The following MUTYH variants were observed in gnomAD, a reference collection of about 807,000 sequenced individuals.
The protein encoded by MUTYH is adenine DNA glycosylase.
A neutral mutation model predicts 72.9 loss-of-function variants in MUTYH; 64 were observed. The ratio of observed to expected loss-of-function variants is 0.88; its 90% CI spans 0.72 to 1.08. MUTYH has a LOEUF of 1.08. MUTYH is among the 50% of genes least tolerant of loss of function. The probability of loss-of-function intolerance (pLI) is 0.00; values close to 1 mark genes in which losing one functional copy is unlikely to be tolerated. For missense variants in MUTYH, 633 were observed against 671.0 expected (o/e 0.94, Z 0.63); for synonymous variants, 234 against 263.1 (o/e 0.89, Z 1.07).
In MUTYH at chr1:45,332,412, G is replaced by A. The variant is rs766173546; in HGVS notation, c.683C>T (p.Thr228Ile). The A allele has an allele frequency of 5.0e-6, 8 of 1,614,042 alleles. No individual in the cohort carries two copies. In the East Asian group the frequency reaches 1.6e-4, roughly 31 times the overall value. Residue 228 changes from threonine to isoleucine, a missense_variant, in exon 9 of 16, where the codon ACC becomes ATC. By Grantham distance (89) the Thr-to-Ile change is moderately conservative. Coordinates refer to ENST00000456914, the MANE Select transcript of MUTYH (RefSeq NM_001048174.2). ...CTACCAGAGCTGCTGGGAAACAAGG[G>A]TGCTGCTGGGATCAGCACCAATGGC... is the stretch of plus-strand genomic sequence containing the variant. ...VRAIGADPSS[T>I]LVSQQLWGLA...
intron 8 of MUTYH, 30 bp downstream of exon 8, chr1:45,332,544 G>C (rs373677096): frequency 6.2e-7 from 1 of 1,613,784 alleles, no homozygotes; most frequent in Non-Finnish European, 8.5e-7. Flanking sequence ...GGCTGGGCAC[G>C]CACAAAGTGG....
In MUTYH at chr1:45,333,410, T is replaced by C. The variant is rs772544725; in HGVS notation, c.264+3A>G. ...CCACTGTCCCTGCTCCTCGCCTGCC[T>C]ACCCGTCTTCTCCATGGTAGGTCCC... is the stretch of plus-strand genomic sequence containing the variant. On this transcript the variant is annotated splice_donor_region_variant and intron_variant, in intron 3 of 15. Coordinates refer to ENST00000456914, the MANE Select transcript of MUTYH (RefSeq NM_001048174.2). The C allele has an allele frequency of 6.2e-7, 1 of 1,614,214 alleles. No homozygotes were observed. The highest frequency in any genetic ancestry group is 1.1e-5 in the South Asian group (1 of 91,088).
At chr1:45,339,574 A>C in intron 1 of MUTYH, 1 of 336,770 alleles carries the variant, frequency 3.0e-6, no homozygotes. Context: ...GCTGCTTCAC[A>C]ATTTGTCCCT....
chr1:45,340,329 T>C (rs571319376), upstream of MUTYH: 40 of 1,605,972 alleles, frequency 2.5e-5, no homozygotes, highest in African/African-American at 3.1e-4. Flanking sequence ...AGAGGTAGCC[T>C]TCAAAGCCTC....
chr1:45,340,115 A>G, upstream of MUTYH: 4 of 1,560,778 alleles, frequency 2.6e-6, no homozygotes, highest in Non-Finnish European at 3.5e-6. Flanking sequence ...CGGACCCGGG[A>G]CGTCTGAACG....
In MUTYH at chr1:45,332,197, G is replaced by A. The variant is rs764260089; in HGVS notation, c.818C>T (p.Pro273Leu). 1 of 1,614,226 alleles carries A rather than the reference G, an allele frequency of 6.2e-7. No individual in the cohort carries two copies. Among genetic ancestry groups the A allele is most frequent in the Admixed American group, 1.7e-5 (1 of 60,028 alleles). ...GCGTGCCCGGCACAGGCTCTCCACA[G>A]GGCACTGGCTGCACAGTGGGCGCTG... Reference protein sequence around the residue: ...TPQRPLCSQCPVESLCRARQR... With the variant: ...TPQRPLCSQCLVESLCRARQR... The change falls in exon 10 of 16, where the codon CCT (proline) becomes CTT (leucine). Residue 273 changes from proline to leucine, a missense_variant. Transcript: ENST00000456914.
chr1:45,335,408 C>T (rs1645731696), intron 1 of MUTYH, among the ~76,000 whole-genome samples: 1 of 152,088 alleles, frequency 6.6e-6, no homozygotes, highest in Non-Finnish European at 1.5e-5. Flanking sequence ...CCCCCCAAAC[C>T]TTTGACTTTA....
chr1:45,334,964 T>C (rs1055591685), intron 1 of MUTYH, among the ~76,000 whole-genome samples: 10 of 152,312 alleles, frequency 6.6e-5, no homozygotes, highest in African/African-American at 2.2e-4. Context: ...ACCTTCATTT[T>C]ATCCTAGAAG....
rs2149129248 is a variant in MUTYH, at chr1:45,331,818, C to T, written c.945G>A (p.Leu315=). Residue 315 remains leucine (L), a synonymous_variant, in exon 12 of 16, where the codon CTG becomes CTA. Coordinates refer to ENST00000456914, the MANE Select transcript of MUTYH (RefSeq NM_001048174.2). ...APNTGQCHLC[L]PPSEPWDQTL... ...TCTGGTCCCAGGGCTCCGAGGGAGG[C>T]AGGCACAGGTGGCACTGTCCAGTGT... The T allele has an allele frequency of 6.2e-7, 1 of 1,608,808 alleles. No homozygotes were observed. Among genetic ancestry groups the T allele is most frequent in the Non-Finnish European group, 8.5e-7 (1 of 1,177,418 alleles).
chr1:45,334,171 T>C (rs1401788367), intron 2 of MUTYH: 5 of 551,888 alleles, frequency 9.1e-6, no homozygotes, highest in South Asian at 1.8e-5. Flanking sequence ...CACGCGAGCA[T>C]AGAGAGGGGA....
rs149699561 is a variant in MUTYH at position 45,336,504 on chromosome 1, C to T, written c.-6-1993G>A. 6.7e-4 allele frequency among the ~76,000 whole-genome samples: 102 copies of T among 152,266 alleles called. 2 individuals carry two copies. In the East Asian group the frequency reaches 0.017, roughly 25 times the overall value. On this transcript the variant is annotated intron_variant, in intron 1 of 15. Transcript: ENST00000456914. Reference sequence around the variant, plus strand: ...ACCACTGTGATTTGTTTCTGCCCCACGCTAACTGATCAATGTACTTGGTAA... The same window carrying T: ...ACCACTGTGATTTGTTTCTGCCCCATGCTAACTGATCAATGTACTTGGTAA...
At chr1:45,339,683 T>A (rs1646641038) in intron 1 of MUTYH, 1 of 493,730 alleles carries the variant, frequency 2.0e-6, no homozygotes, top group Admixed American at 2.9e-5. Flanking sequence ...TCTTACACCC[T>A]GGGCAGCCTC....
chr1:45,336,095 A>G (rs1645842126), intron 1 of MUTYH, among the ~76,000 whole-genome samples: 1 of 152,242 alleles, frequency 6.6e-6, no homozygotes, highest in African/African-American at 2.4e-5. Context: ...AAAGAGAACT[A>G]TTAACAAGTC....
In MUTYH at chr1:45,339,894, G is replaced by C. The variant is rs3219468; in HGVS notation, c.-7+5C>G. ...CCCAAACCCAGCCACCCCACTACCC[G>C]CTACCCGCGGCCCACGCTGATGAAG... is the stretch of plus-strand genomic sequence containing the variant. On this transcript the variant is annotated splice_donor_5th_base_variant and intron_variant, in intron 1 of 15. Coordinates refer to ENST00000456914, the MANE Select transcript of MUTYH (RefSeq NM_001048174.2). 0.99 allele frequency: 1,384,292 copies of C among 1,401,720 alleles called. 683,553 individuals carry two copies. Among genetic ancestry groups the C allele is most frequent in the East Asian group, 1 (27,468 of 27,472 alleles). The allele number at this position is 1,401,720 out of a possible 1,614,324, so 86.8% of individuals were successfully genotyped here. A position where few individuals can be genotyped will look rare whatever the true frequency, so the allele number is the denominator to read the frequency against.
chr1:45,330,665 T>C (rs1252568987), intron 14 of MUTYH, 108 bp from the exon 15 acceptor site: 1 of 1,360,044 alleles, frequency 7.4e-7, no homozygotes, highest in African/African-American at 1.4e-5. Context: ...AATATGCTTT[T>C]TTGGCCAGGC....
In MUTYH at chr1:45,331,190, T is replaced by C. The variant is rs771655808; in HGVS notation, c.1384A>G (p.Met462Val). Residue 462 changes from methionine (M) to valine (V), a missense_variant, in exon 14 of 16, where the codon ATG becomes GTG. Coordinates refer to ENST00000456914, the MANE Select transcript of MUTYH (RefSeq NM_001048174.2). ...GACAACAAAGGTAGTGCCTTTTTCA[T>C]GGCGGTGGAAACAGCTGCGGTGTGA... ...EFHTAAVSTA[M>V]KKVFRVYQGQ... 19 of 1,614,130 alleles carry C rather than the reference T, an allele frequency of 1.2e-5. No homozygotes were observed. The South Asian group carries it at 2.0e-4, about 17-fold the overall frequency.
rs1644998333 is a variant in MUTYH, at chr1:45,332,082, T to A, written c.854A>T (p.Glu285Val). 1 of 1,614,182 alleles carries A rather than the reference T, an allele frequency of 6.2e-7. No individual in the cohort carries two copies. Among genetic ancestry groups the A allele is most frequent in the Middle Eastern group, 1.6e-4 (1 of 6,062 alleles). The change falls in exon 11 of 16, where the codon GAG becomes GTG. Residue 285 changes from glutamate (E) to valine (V), a missense_variant. By Grantham distance (121) the Glu-to-Val change is moderately radical (BLOSUM62 -2). Coordinates refer to ENST00000456914, the MANE Select transcript of MUTYH (RefSeq NM_001048174.2). ...ESLCRARQRV[E>V]QEQLLASGSL... ...CCCTGAGGCTAAGAGCTGTTCCTGC[T>A]CCACCTGAGAGGCACAGGGTTGAGT...
At position 45,332,771 on chromosome 1, in the gene MUTYH, C is replaced by A. The variant is rs764458059; in HGVS notation, c.484G>T (p.Ala162Ser). The A allele has an allele frequency of 1.9e-6, 3 of 1,614,196 alleles. No homozygotes were observed. The highest frequency in any genetic ancestry group is 2.5e-6 in the Non-Finnish European group (3 of 1,180,026). ...TCCTGCCATCCCCTTACCTTCCGAG[C>A]TCCCTCCTGCAGCCGCCGGCCACGA... is the stretch of plus-strand genomic sequence containing the variant. ...YSRGRRLQEG[A>S]RKVVEELGGH... is the part of the protein sequence containing the mutation. Residue 162 changes from alanine to serine, a missense_variant, in exon 7 of 16, where the codon GCT becomes TCT. By Grantham distance (99) the Ala-to-Ser change is moderately conservative. Coordinates refer to ENST00000456914, the MANE Select transcript of MUTYH (RefSeq NM_001048174.2).
In MUTYH at chr1:45,332,649, T is replaced by C; in HGVS notation, c.531A>G (p.Ala177=). 6.2e-7 allele frequency: 1 copy of C among 1,614,180 alleles called. No individual in the cohort carries two copies. The stretch of plus-strand genomic sequence containing the variant: ...CAGGCAGGAGCTGCTGCAGGGTCTC[T>C]GCTGTACGTGGCATGTGGCCCCCTA... ...EELGGHMPRT[A]ETLQQLLPGV... Residue 177 remains alanine, a synonymous_variant, in exon 8 of 16, where the codon GCA becomes GCG. Coordinates refer to ENST00000456914, the MANE Select transcript of MUTYH (RefSeq NM_001048174.2).
Sources: gnomAD v4.1 joint callset for allele counts (sites outside exome capture counted in the v4.1 genomes callset) on GRCh38, gnomAD v4.1.1 for gene constraint, MANE v1.5 for transcripts, NCBI Gene and HGNC (gene_info 2026-07-23, HGNC 2026-07-21) for gene names.